The following ADCY9 variants were observed in gnomAD, a reference collection of about 807,000 sequenced individuals.
The protein encoded by ADCY9 is adenylate cyclase type 9.
Under a neutral mutation model 101.5 loss-of-function variants are expected in ADCY9, and 50 were observed. The ratio of observed to expected loss-of-function variants is 0.49; its 90% confidence interval spans 0.39 to 0.62. ADCY9 has a LOEUF of 0.62. Among genes scored for constraint, ADCY9 ranks in the 20% least tolerant of loss-of-function variants. The probability of loss-of-function intolerance (pLI) is 0.00; values close to 1 mark genes in which losing one functional copy is unlikely to be tolerated. For missense variants in ADCY9, 1,662 were observed against 1,800.4 expected, an observed-to-expected ratio of 0.92 and a Z score of 1.39; for synonymous variants, 905 against 769.3, an observed-to-expected ratio of 1.18 and a Z score of -2.92.
chr16:4,082,488 C>G (rs1284845517), intron 2 of ADCY9, among the ~76,000 whole-genome samples: 2 of 152,214 alleles, frequency 1.3e-5, no homozygotes, highest in African/African-American at 4.8e-5. Context: ...TCCCACACAC[C>G]TACCTTCCTT....
chr16:4,052,540 T>C (rs1454465045), intron 2 of ADCY9, among the ~76,000 whole-genome samples: 1 of 152,210 alleles, frequency 6.6e-6, no homozygotes, highest in Non-Finnish European at 1.5e-5. Flanking sequence ...GGGAATTCTT[T>C]ATACTGTTTG....
At chr16:4,048,858 CCCATGGTCA>C (rs2056682844) in intron 2 of ADCY9, among the ~76,000 whole-genome samples, 1 of 152,180 alleles carries the variant, frequency 6.6e-6, no homozygotes, top group Non-Finnish European at 1.5e-5. Flanking sequence ...CTAGGCAGGG[CCCATGGTCA>C]CTCCCCAGGA....
downstream of ADCY9, among the ~76,000 whole-genome samples, chr16:3,958,650 C>G (rs568887107): frequency 6.9e-6 from 1 of 144,762 alleles, no homozygotes; most frequent in East Asian, 2.0e-4. Context: ...CAGTTGTTTT[C>G]TCTGAATCTT....
Position 4,115,038 on chromosome 16 carries a change from C to G in ADCY9, c.405G>C (p.Ala135=), listed in dbSNP as rs747338775. ...CGATCAGTCTGGATCTCATGTGGAC[C>G]GCAAAATAGATGCTCCACAGAAGGC... ...FACLLWSIYF[A]VHMRSRLIVM... The change falls in exon 2 of 11, where the codon GCG becomes GCC. Residue 135 remains alanine, a synonymous_variant. Transcript: ENST00000294016. This position sits in a 1 kb window ranked among gnomAD's most constrained non-coding sequence, Gnocchi z 6.2. 3 of 1,614,080 alleles carry G rather than the reference C, an allele frequency of 1.9e-6. No individual in the cohort carries two copies. The highest frequency in any genetic ancestry group is 2.5e-6 in the Non-Finnish European group (3 of 1,180,038).
chr16:4,087,593 G>C (rs1015800009), intron 2 of ADCY9, among the ~76,000 whole-genome samples: 3 of 150,642 alleles, frequency 2.0e-5, no homozygotes, highest in African/African-American at 7.3e-5. Context: ...GAGTTTGGCA[G>C]AGTTTACTCT....
chr16:4,017,462 G>A (rs942019393), intron 2 of ADCY9, among the ~76,000 whole-genome samples: 2 of 149,298 alleles, frequency 1.3e-5, no homozygotes, highest in African/African-American at 4.9e-5. Context: ...TGACCAACAT[G>A]GTAAAACCCT....
intron 2 of ADCY9, among the ~76,000 whole-genome samples, chr16:4,077,977 C>T (rs1597211692): frequency 7.0e-6 from 1 of 142,878 alleles, no homozygotes; most frequent in Non-Finnish European, 1.5e-5. Context: ...CCAGCCTGGG[C>T]AATAAAGTGA....
chr16:4,006,696 T>A (rs1271116467), intron 3 of ADCY9, among the ~76,000 whole-genome samples: 1 of 152,096 alleles, frequency 6.6e-6, no homozygotes, highest in East Asian at 1.9e-4. Context: ...AAGGTACCAG[T>A]GGGGAAACTA....
intron 9 of ADCY9, among the ~76,000 whole-genome samples, chr16:3,975,443 A>G (rs2056085581): frequency 6.6e-6 from 1 of 152,168 alleles, no homozygotes; most frequent in African/African-American, 2.4e-5. Context: ...CACACTGCCC[A>G]TGGCTGGACT....
At chr16:4,065,507 T>C (rs1214192992) in intron 2 of ADCY9, among the ~76,000 whole-genome samples, 1 of 152,202 alleles carries the variant, frequency 6.6e-6, no homozygotes, top group African/African-American at 2.4e-5. Flanking sequence ...TCTGAAATAA[T>C]GGCAGAAGTC....
At chr16:4,052,467 T>C (rs1199854401) in intron 2 of ADCY9, among the ~76,000 whole-genome samples, 2 of 152,192 alleles carry the variant, frequency 1.3e-5, no homozygotes, top group African/African-American at 4.8e-5. Flanking sequence ...TGTGTGTATG[T>C]GGAGAGACAG....
At chr16:4,079,218 A>G (rs2141177172) in intron 2 of ADCY9, among the ~76,000 whole-genome samples, 1 of 152,334 alleles carries the variant, frequency 6.6e-6, no homozygotes, top group Admixed American at 6.5e-5. Flanking sequence ...TTCCTGAATA[A>G]ATTATAGTAC....
At position 4,115,742 on chromosome 16, in the gene ADCY9, T is replaced by G. The variant is rs557262771; in HGVS notation, c.-96A>C. ...TGGCCGCCGTGGCTCCGGGACCGCT[T>G]TGCTCGCTCGCCTTCCGCGCCTCTC... On this transcript the variant is annotated 5_prime_UTR_variant, in exon 1 of 11. Transcript: ENST00000294016. The surrounding 1 kb of genome is among the most constrained non-coding windows in gnomAD (Gnocchi z 6.2). The G allele has an allele frequency of 5.9e-4, 243 of 409,824 alleles. 1 individual carries two copies. The highest frequency in any genetic ancestry group is 1.3e-3 in the Admixed American group (33 of 24,850). The allele number at this position is 409,824 out of a possible 1,614,324, so 25.4% of individuals were successfully genotyped here. A position where few individuals can be genotyped will look rare whatever the true frequency, so the allele number is the denominator to read the frequency against.
At chr16:3,961,560 G>A (rs923028435), downstream of ADCY9, among the ~76,000 whole-genome samples, 2 of 152,054 alleles carry the variant, frequency 1.3e-5, no homozygotes, top group East Asian at 1.9e-4. Flanking sequence ...GTGGCGACTC[G>A]GGAGGAGAGT....
chr16:4,040,006 T>C (rs1014928305), intron 2 of ADCY9, among the ~76,000 whole-genome samples: 1 of 152,060 alleles, frequency 6.6e-6, no homozygotes, highest in Admixed American at 6.6e-5. Flanking sequence ...ACCACTGCAC[T>C]CCAGGCTGGG....
intron 5 of ADCY9, among the ~76,000 whole-genome samples, chr16:3,955,809 A>G (rs541567950): frequency 6.6e-6 from 1 of 151,450 alleles, no homozygotes; most frequent in Non-Finnish European, 1.5e-5. Flanking sequence ...TCAGCCTCCC[A>G]AAGTGCTGGG....
intron 3 of ADCY9, among the ~76,000 whole-genome samples, chr16:3,995,568 T>C (rs1039568025): frequency 2.0e-5 from 3 of 152,032 alleles, no homozygotes; most frequent in African/African-American, 7.3e-5. Flanking sequence ...AACTAACAGC[T>C]TCCAATGAAG....
chr16:3,958,679 T>TTTTTTA, downstream of ADCY9, among the ~76,000 whole-genome samples: 1 of 133,472 alleles, frequency 7.5e-6, no homozygotes, highest in African/African-American at 2.9e-5. Flanking sequence ...GTTACTTTTT[T>TTTTTTA]TTTTTTTTTT....
At chr16:3,993,565 T>C (rs1308504902) in intron 3 of ADCY9, 55 bp from the exon 4 acceptor site, 8 of 1,598,362 alleles carry the variant, frequency 5.0e-6, no homozygotes, top group Non-Finnish European at 6.8e-6. Context: ...ACTGCCACCC[T>C]GAATTCAGGC....
Sources: gnomAD v4.1 joint callset for allele counts (sites outside exome capture counted in the v4.1 genomes callset) on GRCh38, gnomAD v4.1.1 for gene constraint, Gnocchi (gnomAD v3.1) non-coding constraint, MANE v1.5 for transcripts, NCBI Gene and HGNC (gene_info 2026-07-23, HGNC 2026-07-21) for gene names.